Variants in DPP6 observed in about 807,000 individuals in gnomAD.
DPP6 encodes the protein A-type potassium channel modulatory protein DPP6.
Under a neutral mutation model 122.6 loss-of-function variants are expected in DPP6, and 69 were observed. That is an observed-to-expected ratio of 0.56 (90% CI 0.46 to 0.69). DPP6 has a LOEUF of 0.69. Ranked by LOEUF, DPP6 falls within the 30% of genes least tolerant of loss-of-function variation. The pLI is 0.00. For missense variants in DPP6, 928 were observed against 1,116.9 expected (o/e 0.83, Z 2.41); for synonymous variants, 418 against 433.1 (o/e 0.97, Z 0.43).
At chr7:153,944,968 G>A (rs1563034641) in intron 1 of DPP6, among the ~76,000 whole-genome samples, 1 of 152,194 alleles carries the variant, frequency 6.6e-6, no homozygotes, top group East Asian at 1.9e-4. Flanking sequence ...AGCGCTTTGC[G>A]TTCTCTGTTC....
chr7:154,032,621 C>T (rs1217602965), intron 1 of DPP6, among the ~76,000 whole-genome samples: 3 of 152,070 alleles, frequency 2.0e-5, no homozygotes, highest in Admixed American at 6.5e-5. Flanking sequence ...ATATTTATAA[C>T]TATGTTTCAA....
At chr7:154,446,848 A>C (rs1305015711) in intron 2 of DPP6, among the ~76,000 whole-genome samples, 1 of 152,238 alleles carries the variant, frequency 6.6e-6, no homozygotes, top group Non-Finnish European at 1.5e-5. Context: ...CTATTGAGTA[A>C]GCCAAAGAGA....
chr7:154,876,253 A>G, intron 20 of DPP6, 153 bp downstream of exon 20: 1 of 1,260,000 alleles, frequency 7.9e-7, no homozygotes, highest in African/African-American at 1.5e-5. Context: ...CATTCCAAAG[A>G]AGTTTCAAAG....
intron 16 of DPP6, among the ~76,000 whole-genome samples, chr7:154,813,440 A>G (rs921341231): frequency 6.6e-6 from 1 of 152,114 alleles, no homozygotes; most frequent in African/African-American, 2.4e-5. Flanking sequence ...TACTTTGCAC[A>G]GTTACATTAA....
chr7:154,399,168 A>G (rs1034974360), intron 1 of DPP6, among the ~76,000 whole-genome samples: 1 of 152,220 alleles, frequency 6.6e-6, no homozygotes, highest in East Asian at 1.9e-4. Context: ...GAGAAGCCAC[A>G]CTATCTCTAG....
At chr7:154,564,111 A>G (rs1001432519) in intron 4 of DPP6, among the ~76,000 whole-genome samples, 12 of 152,192 alleles carry the variant, frequency 7.9e-5, no homozygotes, top group Non-Finnish European at 1.5e-5. Flanking sequence ...TTCGAGGAGT[A>G]GAGAGACTGG....
intron 8 of DPP6, among the ~76,000 whole-genome samples, chr7:154,739,998 T>A (rs1842744687): frequency 6.6e-6 from 1 of 152,230 alleles, no homozygotes; most frequent in Non-Finnish European, 1.5e-5. Flanking sequence ...TAATTCAACA[T>A]GAAGAGGTGA....
intron 1 of DPP6, among the ~76,000 whole-genome samples, chr7:154,433,135 A>ATTTTTT (rs1349065971): frequency 1.0e-5 from 1 of 97,822 alleles, no homozygotes; most frequent in African/African-American, 5.0e-5. Context: ...CTAGACTGCA[A>ATTTTTT]GTTTTTTTTT....
In DPP6 at chr7:154,486,797, C is replaced by A. The variant is rs1449588407; in HGVS notation, c.457+11760C>A. On this transcript the variant is annotated intron_variant, in intron 3 of 25. Coordinates refer to ENST00000377770, the MANE Select transcript of DPP6 (RefSeq NM_130797.4). The surrounding 1 kb of genome is among the most constrained non-coding windows in gnomAD (Gnocchi z 4.5). ...GCAGGGCAGCCGATTTCTTCCACACCACGCTGGTCCCTTCCAGAGGTGCTG... is the reference window on the plus strand; with the variant it reads ...GCAGGGCAGCCGATTTCTTCCACACAACGCTGGTCCCTTCCAGAGGTGCTG... Among the ~76,000 whole-genome samples the A allele has an allele frequency of 1.3e-5, 2 of 152,274 alleles. No homozygotes were observed. Among genetic ancestry groups the A allele is most frequent in the Middle Eastern group, 3.4e-3 (1 of 292 alleles).
intron 1 of DPP6, among the ~76,000 whole-genome samples, chr7:154,002,239 C>T (rs1233495930): frequency 2.6e-5 from 4 of 151,846 alleles, no homozygotes; most frequent in African/African-American, 7.3e-5. Context: ...TTGTATCCTA[C>T]GGACAATGAG....
intron 1 of DPP6, among the ~76,000 whole-genome samples, chr7:153,941,265 G>C (rs1484669486): frequency 6.6e-6 from 1 of 152,178 alleles, no homozygotes; most frequent in African/African-American, 2.4e-5. Flanking sequence ...AGACAGCCTC[G>C]GGGTGCTAGA....
chr7:154,036,676 G>A lies in DPP6; in HGVS notation c.51+148942G>A, dbSNP rs916629550. Among the ~76,000 whole-genome samples, 18 of 151,606 alleles carry A rather than the reference G, an allele frequency of 1.2e-4. 1 individual carries two copies. The highest frequency in any genetic ancestry group is 4.4e-4 in the African/African-American group (18 of 41,162). Reference sequence around the variant, plus strand: ...AAATGGGCAGCAGATGGACCACTTCGCATTTTACCCGTTCAAGCAAGGGGT... The same window carrying A: ...AAATGGGCAGCAGATGGACCACTTCACATTTTACCCGTTCAAGCAAGGGGT... On this transcript the variant is annotated intron_variant, in intron 1 of 25. Transcript: ENST00000404039.
the DPP6 span, among the ~76,000 whole-genome samples, chr7:153,828,709 T>C: frequency 6.6e-6 from 1 of 152,156 alleles, no homozygotes; most frequent in Non-Finnish European, 1.5e-5. Flanking sequence ...GGGCTGATAA[T>C]TGAGAAGAAG....
At chr7:154,534,137 CATAAG>C (rs771309395) in intron 3 of DPP6, among the ~76,000 whole-genome samples, 2 of 152,024 alleles carry the variant, frequency 1.3e-5, no homozygotes, top group Non-Finnish European at 2.9e-5. Flanking sequence ...AGAGAAACCT[CATAAG>C]ATAATTGCAA....
At chr7:154,868,509 C>T (rs932876609) in intron 18 of DPP6, among the ~76,000 whole-genome samples, 19 of 152,164 alleles carry the variant, frequency 1.2e-4, no homozygotes, top group Middle Eastern at 3.2e-3. Flanking sequence ...CCAGGGTTTA[C>T]GTGAGGAGGT....
At chr7:154,324,688 A>G (rs921620707) in intron 1 of DPP6, among the ~76,000 whole-genome samples, 1 of 151,962 alleles carries the variant, frequency 6.6e-6, no homozygotes, top group Non-Finnish European at 1.5e-5. Context: ...TCTTGTTTCA[A>G]CATCCTGAAT....
At chr7:154,074,738 G>A (rs1229753881) in intron 1 of DPP6, among the ~76,000 whole-genome samples, 1 of 152,140 alleles carries the variant, frequency 6.6e-6, no homozygotes, top group African/African-American at 2.4e-5. Flanking sequence ...AGGGAGGGGA[G>A]TGTCAAGAAC....
chr7:154,538,144 T>A (rs2130215654), intron 3 of DPP6, among the ~76,000 whole-genome samples: 1 of 152,302 alleles, frequency 6.6e-6, no homozygotes, highest in Non-Finnish European at 1.5e-5. Context: ...AAAGTAATCA[T>A]ACGTTCTAAT....
chr7:154,056,521 A>G (rs1186221588), intron 1 of DPP6, among the ~76,000 whole-genome samples: 20 of 152,084 alleles, frequency 1.3e-4, no homozygotes, highest in Non-Finnish European at 2.8e-4. Context: ...CTTCTGTACC[A>G]TTAGAGCAGT....
Sources: allele counts gnomAD v4.1 joint callset (sites outside exome capture counted in the v4.1 genomes callset), GRCh38; gene constraint gnomAD v4.1.1; non-coding constraint Gnocchi (gnomAD v3.1); transcripts MANE v1.5; gene names NCBI Gene and HGNC (gene_info 2026-07-23, HGNC 2026-07-21).